Variants in BBOF1 observed in about 807,000 individuals in gnomAD.
BBOF1 encodes basal body orientation factor 1, also known as basal body-orientation factor 1.
BBOF1 carries 62 observed loss-of-function variants against 68.0 expected under a neutral mutation model. The observed-to-expected ratio is 0.91, with a 90% CI of 0.74 to 1.13. The LOEUF (loss-of-function observed/expected upper bound fraction) is 1.13. Ranked by LOEUF, BBOF1 falls within the 50% of genes most tolerant of loss-of-function variation. The pLI, the probability that BBOF1 is intolerant of heterozygous loss-of-function variation, is 0.00. For synonymous variants in BBOF1, 208 were observed against 198.8 expected (o/e 1.05, Z -0.39); for missense variants, 534 against 600.1 (o/e 0.89, Z 1.15).
Position 74,057,435 on chromosome 14 carries a change from C to T in BBOF1, c.1578+177C>T. On this transcript the variant is annotated intron_variant, in intron 11 of 11. Coordinates refer to ENST00000394009, the MANE Select transcript of BBOF1 (RefSeq NM_025057.3). The stretch of plus-strand genomic sequence containing the variant: ...TTTTAAAGCAATATCCGTACAAATG[C>T]ATATTATACTAATGCAAATGCAAAT... 2.0e-6 allele frequency: 3 copies of T among 1,496,016 alleles called. No homozygotes were observed. In the South Asian group the frequency reaches 3.9e-5, roughly 19 times the overall value. 92.7% of individuals were successfully genotyped at this position (1,496,016 alleles called of 1,614,324 possible). A position where few individuals can be genotyped will look rare whatever the true frequency, so the allele number is the denominator to read the frequency against.
chr14:74,054,610 C>T lies in BBOF1; in HGVS notation c.1287-974C>T, dbSNP rs564203080. On this transcript the variant is annotated intron_variant, in intron 8 of 11. Transcript: ENST00000394009. Reference sequence around the variant, plus strand: ...GTCAGGCTGATCTCGAACTCCTGACCTTGTGATCCTCCCGCCTCAGCCTCC... The same window carrying T: ...GTCAGGCTGATCTCGAACTCCTGACTTTGTGATCCTCCCGCCTCAGCCTCC... 3.2e-3 allele frequency among the ~76,000 whole-genome samples: 474 copies of T among 149,162 alleles called. 6 individuals carry two copies. Among genetic ancestry groups the T allele is most frequent in the Non-Finnish European group, 4.3e-3 (288 of 67,632 alleles).
At chr14:74,030,591 G>C (rs1215325356) in intron 3 of BBOF1, among the ~76,000 whole-genome samples, 1 of 151,394 alleles carries the variant, frequency 6.6e-6, no homozygotes, top group Non-Finnish European at 1.5e-5. Context: ...CATCTATTGG[G>C]TTCACACCAT....
intron 3 of BBOF1, among the ~76,000 whole-genome samples, chr14:74,030,923 T>C (rs981301952): frequency 3.4e-5 from 2 of 59,112 alleles, no homozygotes; most frequent in African/African-American, 9.8e-5. Context: ...GTCATAAACA[T>C]ATATATATAT....
At chr14:74,042,680 A>G (rs1038543045) in intron 5 of BBOF1, among the ~76,000 whole-genome samples, 1 of 152,050 alleles carries the variant, frequency 6.6e-6, no homozygotes, top group African/African-American at 2.4e-5. Flanking sequence ...TGGGCGGCAC[A>G]CACTGTTCTC....
intron 11 of BBOF1, among the ~76,000 whole-genome samples, chr14:74,064,284 C>T (rs1440350803): frequency 4.3e-5 from 6 of 138,124 alleles, no homozygotes; most frequent in Admixed American, 1.5e-4. Flanking sequence ...GGCAACAGAG[C>T]GAGACTGTGT....
At chr14:74,066,900 C>T (rs1371669307), downstream of BBOF1, 2 of 1,612,370 alleles carry the variant, frequency 1.2e-6, no homozygotes, top group Non-Finnish European at 1.7e-6. Flanking sequence ...TAAAACAACA[C>T]AGAAGAATTT....
intron 9 of BBOF1, among the ~76,000 whole-genome samples, chr14:74,075,893 T>C (rs1226724686): frequency 6.6e-6 from 1 of 152,128 alleles, no homozygotes; most frequent in African/African-American, 2.4e-5. Flanking sequence ...GGAATACTAC[T>C]CAGCAAAAAA....
downstream of BBOF1, among the ~76,000 whole-genome samples, chr14:74,066,489 T>A (rs1235727798): frequency 6.6e-6 from 1 of 152,092 alleles, no homozygotes; most frequent in Admixed American, 6.6e-5. Flanking sequence ...ATCTATCCCT[T>A]TATGGAAAGT....
chr14:74,044,184 TG>T (rs1192399140), intron 5 of BBOF1, among the ~76,000 whole-genome samples: 1 of 151,846 alleles, frequency 6.6e-6, no homozygotes, highest in African/African-American at 2.4e-5. Flanking sequence ...AGACAGATGT[TG>T]CAGTGAGCCG....
At chr14:74,068,921 T>C (rs767531685), downstream of BBOF1, 15 of 1,614,050 alleles carry the variant, frequency 9.3e-6, no homozygotes, top group South Asian at 4.4e-5. Context: ...CTCTCCTGCC[T>C]TGTTGGATCC....
rs1433691578 is a variant in BBOF1 at position 74,065,052 on chromosome 14, G to A, written c.*353G>A. 5.7e-6 allele frequency: 8 copies of A among 1,402,144 alleles called. No homozygotes were observed. Among genetic ancestry groups the A allele is most frequent in the Non-Finnish European group, 8.0e-6 (8 of 1,003,506 alleles). The allele number at this position is 1,402,144 out of a possible 1,614,324, so 86.9% of individuals were successfully genotyped here. ...CTCTACCCCATGAACTTTCATTCCT[G>A]AGGAAGAAATGGGGCAATGTGGGAG... On this transcript the variant is annotated 3_prime_UTR_variant, in exon 12 of 12. Transcript: ENST00000394009.
intron 8 of BBOF1, among the ~76,000 whole-genome samples, chr14:74,054,569 G>A (rs1430945076): frequency 9.4e-5 from 14 of 149,204 alleles, no homozygotes; most frequent in Non-Finnish European, 1.8e-4. Context: ...AGTAGAGATG[G>A]GGTTTCACCA....
intron 8 of BBOF1, among the ~76,000 whole-genome samples, chr14:74,051,328 G>A (rs764712630): frequency 1.3e-5 from 2 of 151,488 alleles, no homozygotes; most frequent in Non-Finnish European, 2.9e-5. Flanking sequence ...CACAAGAATC[G>A]CTTGAACCCA....
At chr14:74,054,457 C>T (rs951958734) in intron 8 of BBOF1, among the ~76,000 whole-genome samples, 3 of 151,840 alleles carry the variant, frequency 2.0e-5, no homozygotes, top group African/African-American at 7.3e-5. Flanking sequence ...CAGCTCACTG[C>T]AACCTCCACC....
intron 3 of BBOF1, chr14:74,031,835 C>G (rs1345601364): frequency 6.6e-6 from 1 of 152,174 alleles, no homozygotes; most frequent in Non-Finnish European, 1.5e-5. Flanking sequence ...CAGCTCATAG[C>G]AGTCCCTTTT....
At chr14:74,029,120 TTAA>T in intron 2 of BBOF1, 61 bp from the exon 3 acceptor site, 2 of 990,370 alleles carry the variant, frequency 2.0e-6, no homozygotes, top group South Asian at 1.4e-5. Flanking sequence ...ACTAGTCTAC[TTAA>T]TAAAGGTAGA....
chr14:74,081,811 A>G (rs4646857), intron 12 of BBOF1, among the ~76,000 whole-genome samples: 19,620 of 152,254 alleles, frequency 0.13, 1,934 homozygotes, highest in East Asian at 0.57. Flanking sequence ...AGTGCCTAAC[A>G]TAGAAAGAGA....
At chr14:74,022,055 G>A (rs1277885530) in intron 1 of BBOF1, among the ~76,000 whole-genome samples, 7 of 152,126 alleles carry the variant, frequency 4.6e-5, no homozygotes, top group African/African-American at 1.7e-4. Flanking sequence ...CACTGAGTGA[G>A]TAGGAATAGA....
chr14:74,046,501 T>C (rs939025299), intron 6 of BBOF1, among the ~76,000 whole-genome samples: 2 of 152,056 alleles, frequency 1.3e-5, no homozygotes, highest in Non-Finnish European at 2.9e-5. Context: ...GCCTCCTGAG[T>C]AGCTGGGATT....
Sources: gnomAD v4.1 joint callset for allele counts (sites outside exome capture counted in the v4.1 genomes callset) on GRCh38, gnomAD v4.1.1 for gene constraint, MANE v1.5 for transcripts, NCBI Gene and HGNC (gene_info 2026-07-23, HGNC 2026-07-21) for gene names.